The following DPCD variants were observed in gnomAD, a reference collection of about 807,000 sequenced individuals.
DPCD encodes protein DPCD.
A neutral mutation model predicts 26.4 loss-of-function variants in DPCD; 20 were observed. That is an observed-to-expected ratio of 0.76 (90% CI 0.53 to 1.10). The LOEUF is 1.10. DPCD is among the 50% of genes least tolerant of loss of function. DPCD has a pLI of 0.00. For synonymous variants in DPCD, 97 were observed against 94.2 expected (o/e 1.03, Z -0.17); for missense variants, 202 against 253.9 (o/e 0.80, Z 1.39).
intron 2 of DPCD, among the ~76,000 whole-genome samples, chr10:101,597,255 T>C (rs1187325514): frequency 6.6e-6 from 1 of 152,198 alleles, no homozygotes; most frequent in African/African-American, 2.4e-5. Context: ...TATTGAGCAC[T>C]TTCATCCCCA....
Position 101,594,718 on chromosome 10 carries a change from A to T in DPCD, c.125A>T (p.Glu42Val), listed in dbSNP as rs1369950510. ...DGKEMAEEYD[E>V]KTSELLVRKW... ...AAGGAAATGGCTGAAGAATATGACGAGAAGACGAGTGAACTACTTGGTAAG... is the reference window on the plus strand; with the variant it reads ...AAGGAAATGGCTGAAGAATATGACGTGAAGACGAGTGAACTACTTGGTAAG... Residue 42 changes from glutamate to valine, a missense_variant, in exon 2 of 6, where the codon GAG becomes GTG. Around this residue, in one of 3 missense-constraint regions of DPCD, gnomAD observed 37 missense variants for 76.0 expected, o/e 0.49. Transcript: ENST00000370151. 3 of 1,614,206 alleles carry T rather than the reference A, an allele frequency of 1.9e-6. No homozygotes were observed. The highest frequency in any genetic ancestry group is 2.7e-5 in the African/African-American group (2 of 75,054).
At chr10:101,588,914 A>G (rs962819356) in intron 1 of DPCD, among the ~76,000 whole-genome samples, 8 of 152,238 alleles carry the variant, frequency 5.3e-5, no homozygotes, top group African/African-American at 1.7e-4. Flanking sequence ...TTCCAGCTGT[A>G]ATATTTTTGT....
chr10:101,599,075 G>A (rs1254803480), intron 2 of DPCD, among the ~76,000 whole-genome samples: 13 of 152,222 alleles, frequency 8.5e-5, no homozygotes, highest in Admixed American at 8.5e-4. Context: ...CGTCCAGTGT[G>A]AGTTGTCCCC....
At position 101,604,488 on chromosome 10, in the gene DPCD, C is replaced by G. The variant is rs141620220; in HGVS notation, c.404+3152C>G. Among the ~76,000 whole-genome samples the G allele has an allele frequency of 3.9e-5, 6 of 152,320 alleles. No homozygotes were observed. The East Asian group carries it at 1.2e-3, about 29-fold the overall frequency. On this transcript the variant is annotated intron_variant, in intron 4 of 5. Transcript: ENST00000370151. ...TGTCTCTGAAGAGCTGGGTTGGTGACTTTACTTGAAGGAATTGATTGCAGT... is the reference window on the plus strand; with the variant it reads ...TGTCTCTGAAGAGCTGGGTTGGTGAGTTTACTTGAAGGAATTGATTGCAGT...
In DPCD at chr10:101,594,654, A is replaced by G. The variant is rs768051258; in HGVS notation, c.65-4A>G. ...AGGTAAGGCATTCTCTGTTTTGTGC[A>G]TAGGGAGAAGGAAGGTTCACTATTT... On this transcript the variant is annotated splice_region_variant and splice_polypyrimidine_tract_variant and intron_variant, in intron 1 of 5. Coordinates refer to ENST00000370151, the MANE Select transcript of DPCD (RefSeq NM_015448.3). The G allele has an allele frequency of 3.7e-6, 6 of 1,613,960 alleles. No individual in the cohort carries two copies. The African/African-American group carries it at 5.3e-5, about 14-fold the overall frequency.
chr10:101,608,756 G>A, intron 4 of DPCD, 79 bp from the exon 5 acceptor site: 1 of 912,188 alleles, frequency 1.1e-6, no homozygotes. Context: ...CTAGGTAGAA[G>A]CTAGGCAGCA....
At chr10:101,601,374 G>A (rs368964908) in intron 4 of DPCD, 38 bp downstream of exon 4, 1 of 1,610,934 alleles carries the variant, frequency 6.2e-7, no homozygotes, top group African/African-American at 1.3e-5. Flanking sequence ...GCTTGTGTAT[G>A]AGCGGGGTGT....
chr10:101,595,974 C>T (rs1388180917), intron 2 of DPCD, among the ~76,000 whole-genome samples: 1 of 152,208 alleles, frequency 6.6e-6, no homozygotes, highest in African/African-American at 2.4e-5. Flanking sequence ...CAGCTCCTCA[C>T]TCCCAGCCCC....
intron 2 of DPCD, among the ~76,000 whole-genome samples, chr10:101,595,987 G>A (rs534835510): frequency 4.6e-5 from 7 of 152,220 alleles, no homozygotes; most frequent in African/African-American, 1.7e-4. Context: ...CCAGCCCCCC[G>A]TGCCACTTCT....
chr10:101,605,282 C>T, intron 4 of DPCD: 1 of 1,538,410 alleles, frequency 6.5e-7, no homozygotes. Context: ...CAGAGTCTCT[C>T]TCCCTCTGAG....
At chr10:101,593,010 C>CAAAAAAAAAAACCAA (rs1264639728) in intron 1 of DPCD, among the ~76,000 whole-genome samples, 1 of 84,470 alleles carries the variant, frequency 1.2e-5, no homozygotes, top group African/African-American at 3.9e-5. Context: ...GAGACTCTGT[C>CAAAAAAAAAAACCAA]AAAAAAAAAA....
At chr10:101,602,177 TAA>T (rs1035374271) in intron 4 of DPCD, among the ~76,000 whole-genome samples, 15 of 152,242 alleles carry the variant, frequency 9.9e-5, no homozygotes, top group Non-Finnish European at 4.4e-5. Context: ...GGAGGTTTTA[TAA>T]GTTACCTGTC....
intron 2 of DPCD, among the ~76,000 whole-genome samples, chr10:101,599,930 G>C (rs998108378): frequency 6.6e-6 from 1 of 152,164 alleles, no homozygotes; most frequent in Non-Finnish European, 1.5e-5. Context: ...TGGACCGCAT[G>C]GTTCCTGAAA....
chr10:101,602,171 G>A (rs530130085), intron 4 of DPCD, among the ~76,000 whole-genome samples: 2 of 152,346 alleles, frequency 1.3e-5, no homozygotes, highest in East Asian at 3.9e-4. Flanking sequence ...GAGATGGGAG[G>A]TTTTATAAGT....
chr10:101,592,446 G>A (rs1026741775), intron 1 of DPCD, among the ~76,000 whole-genome samples: 4 of 152,146 alleles, frequency 2.6e-5, no homozygotes, highest in African/African-American at 9.7e-5. Context: ...AGGGCCAGGC[G>A]TGGTGGCTCA....
At chr10:101,596,002 T>C (rs1183101539) in intron 2 of DPCD, among the ~76,000 whole-genome samples, 4 of 152,188 alleles carry the variant, frequency 2.6e-5, no homozygotes, top group Non-Finnish European at 5.9e-5. Context: ...ACTTCTCTAC[T>C]CCTCCACACA....
rs1260412015 is a variant in DPCD at position 101,600,844 on chromosome 10, C to G, written c.252C>G (p.Ile84Met). ...CAGGGAACCTGGGGCCTGAACTCAT[C>G]AAGGAAAGCAATGCCAATGTACGTC... Reference protein sequence around the residue: ...LGAGNLGPELIKESNANPIFM... With the variant: ...LGAGNLGPELMKESNANPIFM... The change falls in exon 3 of 6, where the codon ATC becomes ATG. Residue 84 changes from isoleucine to methionine, a missense_variant. Physicochemically the swap from Ile to Met is conservative, Grantham distance 10. This residue lies in a region of DPCD where 37 missense variants were observed against 76.0 expected (regional missense o/e 0.49). Transcript: ENST00000370151. This position sits in a 1 kb window ranked among gnomAD's most constrained non-coding sequence, Gnocchi z 4.7. 1 of 1,613,886 alleles carries G rather than the reference C, an allele frequency of 6.2e-7. No homozygotes were observed. Among genetic ancestry groups the G allele is most frequent in the Non-Finnish European group, 8.5e-7 (1 of 1,179,978 alleles).
rs1207880885 is a variant in DPCD at position 101,594,674 on chromosome 10, CTATT to C, written c.86_89del (p.Leu29SerfsTer20). ...TGTGCATAGGGAGAAGGAAGGTTCACTATTTATTCCCAGACGGCAAGGAAATGGC... is the reference window on the plus strand; with the variant it reads ...TGTGCATAGGGAGAAGGAAGGTTCACTATTCCCAGACGGCAAGGAAATGGC... On this transcript the variant is annotated frameshift_variant, in exon 2 of 6. Coordinates refer to ENST00000370151, the MANE Select transcript of DPCD (RefSeq NM_015448.3). LOFTEE classifies it high-confidence loss of function. The C allele has an allele frequency of 4.3e-6, 7 of 1,614,074 alleles. No individual in the cohort carries two copies. The highest frequency in any genetic ancestry group is 4.0e-5 in the African/African-American group (3 of 74,932).
intron 4 of DPCD, chr10:101,605,034 T>A (rs574173439): frequency 6.7e-7 from 1 of 1,483,572 alleles, no homozygotes; most frequent in African/African-American, 1.4e-5. Context: ...GCCTTTAGTA[T>A]GTGTGTGTGA....
Sources: gnomAD v4.1 joint callset for allele counts (sites outside exome capture counted in the v4.1 genomes callset) on GRCh38, gnomAD v4.1.1 for gene constraint, gnomAD v4.1.1 regional missense constraint, Gnocchi (gnomAD v3.1) non-coding constraint, MANE v1.5 for transcripts, NCBI Gene and HGNC (gene_info 2026-07-23, HGNC 2026-07-21) for gene names.